The following SYK variants were observed in gnomAD, a reference collection of about 807,000 sequenced individuals.
SYK encodes tyrosine-protein kinase SYK.
A neutral mutation model predicts 77.8 loss-of-function variants in SYK; 16 were observed. The observed-to-expected ratio is 0.21, with a 90% CI of 0.14 to 0.31. The LOEUF (loss-of-function observed/expected upper bound fraction) is 0.31, where lower values mean the gene tolerates loss of function less well. SYK is among the 10% of genes least tolerant of loss of function. The pLI is 1.00. For missense variants in SYK, 529 were observed against 814.4 expected (o/e 0.65, Z 4.26); for synonymous variants, 312 against 308.7 (o/e 1.01, Z -0.11).
intron 13 of SYK, among the ~76,000 whole-genome samples, chr9:90,894,645 T>G (rs1482149441): frequency 1.3e-5 from 2 of 152,252 alleles, no homozygotes; most frequent in African/African-American, 4.8e-5. Flanking sequence ...AACCTCACAT[T>G]CTGTTTCACT....
In SYK at chr9:90,858,625, C is replaced by T. The variant is rs74556463; in HGVS notation, c.579-3581C>T. ...CAAAGCTCTCAGTAAGAGGACACAG[C>T]CAAGAGGAGGAGCAAGCCTTCCAAA... On this transcript the variant is annotated intron_variant, in intron 3 of 13. Coordinates refer to ENST00000375754, the MANE Select transcript of SYK (RefSeq NM_003177.7). Among the ~76,000 whole-genome samples the T allele has an allele frequency of 3.4e-3, 520 of 152,310 alleles. 5 individuals are homozygous for T. Among genetic ancestry groups the T allele is most frequent in the African/African-American group, 0.012 (492 of 41,560 alleles).
chr9:90,816,908 T>C (rs1825311430), intron 1 of SYK, among the ~76,000 whole-genome samples: 1 of 152,276 alleles, frequency 6.6e-6, no homozygotes, highest in Non-Finnish European at 1.5e-5. Context: ...TTCCATTGTG[T>C]GTGTGCCACA....
At chr9:90,881,914 G>A (rs1306719550) in intron 11 of SYK, among the ~76,000 whole-genome samples, 3 of 152,140 alleles carry the variant, frequency 2.0e-5, no homozygotes, top group East Asian at 1.9e-4. Context: ...ACTGCCTGAC[G>A]ACTGCTCCGC....
intron 1 of SYK, among the ~76,000 whole-genome samples, chr9:90,842,319 G>GTGTGTGTGGTGTAGTGTATGTGA (rs1826395976): frequency 6.6e-6 from 1 of 150,992 alleles, no homozygotes; most frequent in Non-Finnish European, 1.5e-5. Flanking sequence ...TATGGAGTGT[G>GTGTGTGTGGTGTAGTGTATGTGA]TGTGTGTGGT....
chr9:90,824,606 T>C (rs1226350624), intron 1 of SYK, among the ~76,000 whole-genome samples: 7 of 151,938 alleles, frequency 4.6e-5, no homozygotes, highest in Admixed American at 4.6e-4. Context: ...ATCAATGGGC[T>C]AGAGAAGAAA....
At position 90,878,790 on chromosome 9, in the gene SYK, A is replaced by G; in HGVS notation, c.1418A>G (p.Glu473Gly). 6.2e-7 allele frequency: 1 copy of G among 1,613,678 alleles called. No individual in the cohort carries two copies. Among genetic ancestry groups the G allele is most frequent in the Non-Finnish European group, 8.5e-7 (1 of 1,179,582 alleles). ...CATGTCAAGGATAAGAACATCATAG[A>G]ACTGGTTCATCAGGTTTCCATGGGC... ...NRHVKDKNIIELVHQVSMGMK... is the reference protein window; with the variant it reads ...NRHVKDKNIIGLVHQVSMGMK... Residue 473 changes from glutamate to glycine, a missense_variant, in exon 11 of 14, where the codon GAA becomes GGA. Glu to Gly is a moderately conservative substitution (Grantham distance 98, BLOSUM62 -2). Coordinates refer to ENST00000375754, the MANE Select transcript of SYK (RefSeq NM_003177.7).
chr9:90,813,645 C>T (rs1440418815), intron 1 of SYK, among the ~76,000 whole-genome samples: 2 of 152,186 alleles, frequency 1.3e-5, no homozygotes, highest in African/African-American at 4.8e-5. Context: ...GACTGGCTCA[C>T]AAAGAATAGG....
At position 90,898,494 on chromosome 9, in the gene SYK, A is replaced by G. The variant is rs1039173929; in HGVS notation, c.*2894A>G. Reference sequence around the variant, plus strand: ...TTTCCATTCATTTCAGAAGAGCTACATTGTGTCACTGGACATTTTTAAAAA... The same window carrying G: ...TTTCCATTCATTTCAGAAGAGCTACGTTGTGTCACTGGACATTTTTAAAAA... On this transcript the variant is annotated 3_prime_UTR_variant, in exon 14 of 14. Transcript: ENST00000375754. The G allele has an allele frequency of 1.4e-5, 3 of 215,886 alleles. No homozygotes were observed. Among genetic ancestry groups the G allele is most frequent in the African/African-American group, 6.8e-5 (3 of 44,358 alleles). 13.4% of individuals were successfully genotyped at this position (215,886 alleles called of 1,614,324 possible). A position where few individuals can be genotyped will look rare whatever the true frequency, so the allele number is the denominator to read the frequency against.
intron 1 of SYK, among the ~76,000 whole-genome samples, chr9:90,831,928 G>A (rs1825911812): frequency 6.6e-6 from 1 of 152,182 alleles, no homozygotes; most frequent in African/African-American, 2.4e-5. Context: ...AGTGCAAGAA[G>A]GTTGTGATGT....
intron 7 of SYK, among the ~76,000 whole-genome samples, chr9:90,868,331 A>C (rs573773619): frequency 4.9e-4 from 74 of 152,342 alleles, no homozygotes; most frequent in Non-Finnish European, 8.8e-4. Flanking sequence ...GCATCTTTAG[A>C]CTACAGGAGA....
chr9:90,815,003 G>A (rs1240745216), intron 1 of SYK, among the ~76,000 whole-genome samples: 2 of 152,042 alleles, frequency 1.3e-5, no homozygotes, highest in Non-Finnish European at 2.9e-5. Context: ...ACTTGGTTCA[G>A]AATAGTTTCT....
chr9:90,846,699 TAAA>T (rs3056977), intron 3 of SYK, among the ~76,000 whole-genome samples: 2 of 129,080 alleles, frequency 1.5e-5, no homozygotes, highest in Non-Finnish European at 1.6e-5. Context: ...ACAATACTCT[TAAA>T]AAAAAAAAAA....
rs928203108 is a variant in SYK, at chr9:90,894,353, G to A, written c.1836-1175G>A. Among the ~76,000 whole-genome samples, 8 of 152,322 alleles carry A rather than the reference G, an allele frequency of 5.3e-5. No individual in the cohort carries two copies. The South Asian group carries it at 1.0e-3, about 20-fold the overall frequency. ...CTCTCAGTGACACCCTGGGAGGCCC[G>A]TGTCCCCAGACATGACCACAGATGG... On this transcript the variant is annotated intron_variant, in intron 13 of 13. Transcript: ENST00000375754.
intron 1 of SYK, among the ~76,000 whole-genome samples, chr9:90,830,292 G>A (rs1048918736): frequency 6.6e-6 from 1 of 152,260 alleles, no homozygotes; most frequent in Non-Finnish European, 1.5e-5. Context: ...GACGAAGCCA[G>A]TGGAGTGGAT....
At chr9:90,865,561 G>A (rs112621333) in intron 6 of SYK, among the ~76,000 whole-genome samples, 3 of 151,842 alleles carry the variant, frequency 2.0e-5, no homozygotes, top group Non-Finnish European at 2.9e-5. Flanking sequence ...CTCCTGCTTC[G>A]ACCTCCCAAA....
At position 90,855,011 on chromosome 9, in the gene SYK, T is replaced by TACACACACACACACACAC. The variant is rs55839931; in HGVS notation, c.579-7184_579-7167dup. 1.2e-3 allele frequency among the ~76,000 whole-genome samples: 166 copies of TACACACACACACACACAC among 143,408 alleles called. 2 individuals are homozygous for TACACACACACACACACAC. The highest frequency in any genetic ancestry group is 5.3e-3 in the East Asian group (25 of 4,750). 94.1% of individuals were successfully genotyped at this position (143,408 alleles called of 152,430 possible). A position where few individuals can be genotyped will look rare whatever the true frequency, so the allele number is the denominator to read the frequency against. The stretch of plus-strand genomic sequence containing the variant: ...TCTCTCTCTCACACACACACATACA[T>TACACACACACACACACAC]ACACACACACACACACACACACACA... On this transcript the variant is annotated intron_variant, in intron 3 of 13. Coordinates refer to ENST00000375754, the MANE Select transcript of SYK (RefSeq NM_003177.7).
chr9:90,843,061 G>C (rs977202028), intron 1 of SYK, among the ~76,000 whole-genome samples: 3 of 152,148 alleles, frequency 2.0e-5, no homozygotes, highest in African/African-American at 7.2e-5. Flanking sequence ...GTCCTCGTGG[G>C]CTGGGAACCG....
intron 9 of SYK, 75 bp from the exon 10 acceptor site, chr9:90,877,496 A>G (rs895593889): frequency 1.3e-6 from 2 of 1,516,118 alleles, no homozygotes; most frequent in East Asian, 2.4e-5. Flanking sequence ...CAGGGGGATT[A>G]TGCTTCACAG....
intron 7 of SYK, among the ~76,000 whole-genome samples, chr9:90,872,038 G>A (rs1827747829): frequency 6.6e-6 from 1 of 152,184 alleles, no homozygotes; most frequent in African/African-American, 2.4e-5. Context: ...GATTCTCTGT[G>A]TCCATCGCTA....
Sources: gnomAD v4.1 joint callset for allele counts (sites outside exome capture counted in the v4.1 genomes callset) on GRCh38, gnomAD v4.1.1 for gene constraint, MANE v1.5 for transcripts, NCBI Gene and HGNC (gene_info 2026-07-23, HGNC 2026-07-21) for gene names.